The following DIS3L2 variants were observed in gnomAD, a reference collection of about 807,000 sequenced individuals.
DIS3L2 encodes the protein DIS3-like exonuclease 2.
Under a neutral mutation model 97.5 loss-of-function variants are expected in DIS3L2, and 34 were observed. The observed-to-expected ratio is 0.35, with a 90% CI of 0.27 to 0.46. The LOEUF is 0.46. DIS3L2 is among the 20% of genes least tolerant of loss of function. The pLI is 1.00. For synonymous variants in DIS3L2, 435 were observed against 445.2 expected, an observed-to-expected ratio of 0.98 and a Z score of 0.29; for missense variants, 1,038 against 1,146.0, an observed-to-expected ratio of 0.91 and a Z score of 1.36.
intron 5 of DIS3L2, among the ~76,000 whole-genome samples, chr2:232,081,830 C>G (rs2106300634): frequency 6.6e-6 from 1 of 152,320 alleles, no homozygotes; most frequent in Middle Eastern, 3.4e-3. Flanking sequence ...TGCTCTGTTG[C>G]CTAGGCTGAA....
At chr2:232,260,698 C>T (rs952928356) in intron 12 of DIS3L2, 1 of 152,106 alleles carries the variant, frequency 6.6e-6, no homozygotes, top group Non-Finnish European at 1.5e-5. Context: ...GAGTAGTTGC[C>T]ACCATTCTTT....
Position 232,123,421 on chromosome 2 carries a change from G to A in DIS3L2, c.602-7198G>A, listed in dbSNP as rs560478404. The stretch of plus-strand genomic sequence containing the variant: ...GCCTTAATGAGATAGTACCTTATCC[G>A]ACAGTGCCTTAATGGAACATTGGGT... On this transcript the variant is annotated intron_variant, in intron 6 of 20. Coordinates refer to ENST00000325385, the MANE Select transcript of DIS3L2 (RefSeq NM_152383.5). 3.3e-5 allele frequency among the ~76,000 whole-genome samples: 5 copies of A among 152,070 alleles called. No homozygotes were observed. The South Asian group carries it at 6.2e-4, about 19-fold the overall frequency.
At chr2:232,104,444 A>G (rs978693104) in intron 6 of DIS3L2, among the ~76,000 whole-genome samples, 1 of 152,122 alleles carries the variant, frequency 6.6e-6, no homozygotes, top group African/African-American at 2.4e-5. Context: ...AAAATTTGCC[A>G]TTTTAGCAAT....
chr2:232,030,189 T>C, intron 5 of DIS3L2, 109 bp downstream of exon 5: 1 of 843,072 alleles, frequency 1.2e-6, no homozygotes, highest in Non-Finnish European at 1.9e-6. Context: ...CCTTAGGCGC[T>C]GTGATAAGAT....
intron 10 of DIS3L2, among the ~76,000 whole-genome samples, chr2:232,217,109 G>A (rs768057076): frequency 8.5e-5 from 13 of 152,156 alleles, no homozygotes; most frequent in Admixed American, 8.5e-4. Context: ...CCAAAGTGCT[G>A]GGATTAAAGG....
At position 232,281,690 on chromosome 2, in the gene DIS3L2, G is replaced by T. The variant is rs910804876; in HGVS notation, c.1659+18250G>T. Among the ~76,000 whole-genome samples the T allele has an allele frequency of 6.6e-6, 1 of 152,172 alleles. No homozygotes were observed. Among genetic ancestry groups the T allele is most frequent in the Non-Finnish European group, 1.5e-5 (1 of 68,020 alleles). On this transcript the variant is annotated intron_variant, in intron 13 of 20. Coordinates refer to ENST00000325385, the MANE Select transcript of DIS3L2 (RefSeq NM_152383.5). This position sits in a 1 kb window ranked among gnomAD's most constrained non-coding sequence, Gnocchi z 4.1. ...CTGGATATGCCCAGGTTTCTGACAG[G>T]CAGGAAGACGTGCCACCCAGGAGCA...
At chr2:232,295,060 T>G (rs1694691901) in intron 13 of DIS3L2, among the ~76,000 whole-genome samples, 2 of 152,156 alleles carry the variant, frequency 1.3e-5, no homozygotes, top group African/African-American at 4.8e-5. Flanking sequence ...CTGGCAGATA[T>G]TCAGCTTGGA....
intron 5 of DIS3L2, among the ~76,000 whole-genome samples, chr2:232,066,813 T>A (rs1485440397): frequency 6.6e-6 from 1 of 152,068 alleles, no homozygotes; most frequent in African/African-American, 2.4e-5. Flanking sequence ...TGATAACAGA[T>A]ACTAAAGGCT....
chr2:232,316,332 C>A (rs1333207307), intron 14 of DIS3L2, among the ~76,000 whole-genome samples: 1 of 152,044 alleles, frequency 6.6e-6, no homozygotes, highest in Non-Finnish European at 1.5e-5. Flanking sequence ...TTAATGGGGT[C>A]CCCTGTACTC....
At chr2:232,168,684 C>T (rs930492555) in intron 9 of DIS3L2, among the ~76,000 whole-genome samples, 4 of 152,032 alleles carry the variant, frequency 2.6e-5, no homozygotes, top group African/African-American at 9.7e-5. Context: ...CCTCACCTAC[C>T]ACCTGACCCA....
intron 14 of DIS3L2, 28 bp from the exon 15 acceptor site, chr2:232,329,785 T>TGCCGGGGGGGGGCCC: frequency 1.8e-4 from 171 of 967,060 alleles, no homozygotes; most frequent in Non-Finnish European, 2.2e-4. Flanking sequence ...ACCCCAGCGG[T>TGCCGGGGGGGGGCCC]CCCTCCCATC....
intron 1 of DIS3L2, among the ~76,000 whole-genome samples, chr2:231,964,703 A>G (rs1377853455): frequency 6.6e-6 from 1 of 152,246 alleles, no homozygotes; most frequent in Admixed American, 6.5e-5. Context: ...TTTCATTCCA[A>G]TTTAATAACT....
chr2:232,256,308 C>G (rs1310819383), intron 12 of DIS3L2, among the ~76,000 whole-genome samples: 1 of 152,210 alleles, frequency 6.6e-6, no homozygotes, highest in East Asian at 1.9e-4. Context: ...TAACTGAGCT[C>G]TCTGCTGTGC....
At chr2:232,000,429 C>A (rs1479093031) in intron 1 of DIS3L2, among the ~76,000 whole-genome samples, 4 of 152,090 alleles carry the variant, frequency 2.6e-5, no homozygotes, top group East Asian at 1.9e-4. Flanking sequence ...TCCCCTCAAC[C>A]CCCAGCCTCT....
intron 1 of DIS3L2, among the ~76,000 whole-genome samples, chr2:232,011,293 G>A (rs1694192090): frequency 6.6e-6 from 1 of 152,046 alleles, no homozygotes; most frequent in South Asian, 2.1e-4. Context: ...ACTTGTTCAG[G>A]CTTAATGGGC....
intron 14 of DIS3L2, 22 bp from the exon 15 acceptor site, chr2:232,329,791 C>CGGGGG: frequency 3.0e-6 from 1 of 334,002 alleles, no homozygotes; most frequent in Non-Finnish European, 5.9e-6. Flanking sequence ...GCGGTCCCTC[C>CGGGGG]CATCCCACCC....
At chr2:232,074,660 T>C (rs3100625) in intron 5 of DIS3L2, among the ~76,000 whole-genome samples, 20,148 of 150,666 alleles carry the variant, frequency 0.13, 1,836 homozygotes, top group South Asian at 0.34. Flanking sequence ...TCACAGCTCA[T>C]TGCAGCCTTG....
At chr2:231,963,478 G>A (rs1276616420) in intron 1 of DIS3L2, among the ~76,000 whole-genome samples, 1 of 151,994 alleles carries the variant, frequency 6.6e-6, no homozygotes, top group African/African-American at 2.4e-5. Flanking sequence ...AGTTCCATAG[G>A]GATTCTGGAT....
rs540616075 is a variant in DIS3L2 at position 232,087,256 on chromosome 2, A to T, written c.367-231A>T. On this transcript the variant is annotated intron_variant, in intron 5 of 20. Coordinates refer to ENST00000325385, the MANE Select transcript of DIS3L2 (RefSeq NM_152383.5). The stretch of plus-strand genomic sequence containing the variant: ...CAGAAATATGAGAAGTGGATAAGGC[A>T]TTAATTTGGGGCATCCTGAAGAGCT... 2.0e-5 allele frequency among the ~76,000 whole-genome samples: 3 copies of T among 152,268 alleles called. No individual in the cohort carries two copies. In the South Asian group the frequency reaches 6.2e-4, roughly 32 times the overall value.
Sources: allele counts gnomAD v4.1 joint callset (sites outside exome capture counted in the v4.1 genomes callset), GRCh38; gene constraint gnomAD v4.1.1; non-coding constraint Gnocchi (gnomAD v3.1); transcripts MANE v1.5; gene names NCBI Gene and HGNC (gene_info 2026-07-23, HGNC 2026-07-21).